Variants in MCTP1 observed in about 807,000 individuals in gnomAD.
The protein encoded by MCTP1 is multiple C2 and transmembrane domain-containing protein 1.
Under a neutral mutation model 120.6 loss-of-function variants are expected in MCTP1, and 69 were observed. The ratio of observed to expected loss-of-function variants is 0.57; its 90% CI spans 0.47 to 0.70. MCTP1 has a LOEUF of 0.70. Among genes scored for constraint, MCTP1 ranks in the 30% least tolerant of loss-of-function variants. The pLI is 0.00. For missense variants in MCTP1, 1,203 were observed against 1,248.8 expected (o/e 0.96, Z 0.55); for synonymous variants, 529 against 493.1 (o/e 1.07, Z -0.96).
chr5:94,822,214 C>T (rs1368844958), intron 17 of MCTP1, among the ~76,000 whole-genome samples: 1 of 152,058 alleles, frequency 6.6e-6, no homozygotes, highest in Non-Finnish European at 1.5e-5. Context: ...TCTCCTTGTC[C>T]CCCACCCTCA....
chr5:94,735,098 T>A (rs1056731951), intron 19 of MCTP1, among the ~76,000 whole-genome samples: 3 of 152,188 alleles, frequency 2.0e-5, no homozygotes, highest in Admixed American at 6.5e-5. Flanking sequence ...AGGATTTGTG[T>A]TTTTGTAATT....
At chr5:95,243,379 T>G (rs1325787784) in intron 1 of MCTP1, among the ~76,000 whole-genome samples, 1 of 151,792 alleles carries the variant, frequency 6.6e-6, no homozygotes, top group Non-Finnish European at 1.5e-5. Flanking sequence ...GAGAAAGAGG[T>G]AGACATGTGA....
chr5:95,071,395 C>G (rs1049437482), intron 1 of MCTP1, among the ~76,000 whole-genome samples: 1 of 152,200 alleles, frequency 6.6e-6, no homozygotes, highest in African/African-American at 2.4e-5. Context: ...AACTTTCAAA[C>G]AGCGGGGAAA....
intron 12 of MCTP1, among the ~76,000 whole-genome samples, chr5:94,881,723 A>G (rs1800122997): frequency 6.6e-6 from 1 of 152,190 alleles, no homozygotes; most frequent in South Asian, 2.1e-4. Context: ...GATTAGTCAT[A>G]TATGATAATT....
At chr5:95,173,951 A>G (rs1478477186) in intron 1 of MCTP1, among the ~76,000 whole-genome samples, 1 of 152,208 alleles carries the variant, frequency 6.6e-6, no homozygotes, top group African/African-American at 2.4e-5. Flanking sequence ...TCAGTTAAAG[A>G]AATGGAAGAA....
chr5:94,900,756 C>T (rs2153418092), intron 10 of MCTP1, among the ~76,000 whole-genome samples: 1 of 152,246 alleles, frequency 6.6e-6, no homozygotes. Context: ...CCTGATTATT[C>T]ATTAGTATTG....
intron 1 of MCTP1, among the ~76,000 whole-genome samples, chr5:95,182,866 C>A (rs919491118): frequency 7.3e-5 from 11 of 151,680 alleles, no homozygotes; most frequent in Non-Finnish European, 4.4e-5. Flanking sequence ...ACTAAAAATA[C>A]AAAATAAAAA....
rs140584394 is a variant in MCTP1, at chr5:95,262,080, G to A, written c.720+21776C>T. Among the ~76,000 whole-genome samples, 1,307 of 152,284 alleles carry A rather than the reference G, an allele frequency of 8.6e-3. 43 individuals are homozygous for A. The highest frequency in any genetic ancestry group is 0.063 in the Admixed American group (962 of 15,296). On this transcript the variant is annotated intron_variant, in intron 1 of 22. Transcript: ENST00000515393. ...CAATGCCTAGTAGGGGCACAGCTGTGAAGCCATCACAGTCCATGTCCCAGC... is the reference window on the plus strand; with the variant it reads ...CAATGCCTAGTAGGGGCACAGCTGTAAAGCCATCACAGTCCATGTCCCAGC...
At chr5:94,968,595 A>C (rs555776525) in intron 2 of MCTP1, among the ~76,000 whole-genome samples, 1 of 152,232 alleles carries the variant, frequency 6.6e-6, no homozygotes, top group Non-Finnish European at 1.5e-5. Context: ...CATACTATAC[A>C]AAAAGGATTT....
rs1585265696 is a variant in MCTP1 at position 94,703,941 on chromosome 5, C to T, written c.*3555G>A. 1 of 149,810 alleles carries T rather than the reference C, an allele frequency of 6.7e-6. No homozygotes were observed. Among genetic ancestry groups the T allele is most frequent in the Non-Finnish European group, 1.5e-5 (1 of 67,330 alleles). 9.3% of individuals were successfully genotyped at this position (149,810 alleles called of 1,614,324 possible). A position where few individuals can be genotyped will look rare whatever the true frequency, so the allele number is the denominator to read the frequency against. On this transcript the variant is annotated 3_prime_UTR_variant, in exon 23 of 23. Coordinates refer to ENST00000515393, the MANE Select transcript of MCTP1 (RefSeq NM_024717.7). ...TATGTGACTGCCTCTATTCAAATTG[C>T]CACTATATAAAAGAAACTGAGGTAC...
intron 12 of MCTP1, among the ~76,000 whole-genome samples, chr5:94,887,341 C>T (rs1195058365): frequency 6.6e-6 from 1 of 152,054 alleles, no homozygotes; most frequent in African/African-American, 2.4e-5. Flanking sequence ...TGTATTTTAA[C>T]TTCCATAGTG....
intron 1 of MCTP1, among the ~76,000 whole-genome samples, chr5:95,270,950 G>A (rs1209427652): frequency 2.8e-5 from 4 of 144,470 alleles, no homozygotes; most frequent in Admixed American, 7.0e-5. Context: ...AATGCACATT[G>A]TGATTTAACA....
chr5:95,022,837 T>A (rs1270107557), intron 1 of MCTP1, among the ~76,000 whole-genome samples: 1 of 152,124 alleles, frequency 6.6e-6, no homozygotes, highest in African/African-American at 2.4e-5. Context: ...GGAGCTATAA[T>A]AAAAGACTGA....
chr5:95,117,215 C>A (rs945237915), intron 1 of MCTP1, among the ~76,000 whole-genome samples: 1 of 151,688 alleles, frequency 6.6e-6, no homozygotes, highest in Non-Finnish European at 1.5e-5. Flanking sequence ...ACGGTGAAAC[C>A]CCGTCTCTAC....
intron 2 of MCTP1, among the ~76,000 whole-genome samples, chr5:94,997,559 A>G (rs140949753): frequency 6.6e-6 from 1 of 152,188 alleles, no homozygotes; most frequent in Non-Finnish European, 1.5e-5. Flanking sequence ...CCCCTTGTCC[A>G]CCTGTTTTTA....
At chr5:94,978,242 A>G (rs759497092) in intron 2 of MCTP1, among the ~76,000 whole-genome samples, 1 of 152,120 alleles carries the variant, frequency 6.6e-6, no homozygotes, top group African/African-American at 2.4e-5. Context: ...ACCCTTGTAC[A>G]CTGTTGGTGG....
chr5:95,069,855 C>A (rs757795919), intron 1 of MCTP1, among the ~76,000 whole-genome samples: 3 of 152,160 alleles, frequency 2.0e-5, no homozygotes, highest in Non-Finnish European at 1.5e-5. Context: ...CCCACTACCA[C>A]GCCCGGCTAT....
chr5:95,043,726 A>C (rs1842723754), intron 1 of MCTP1, among the ~76,000 whole-genome samples: 1 of 152,186 alleles, frequency 6.6e-6, no homozygotes, highest in Non-Finnish European at 1.5e-5. Flanking sequence ...ATTTCCCGTG[A>C]ACTGCCTGGG....
intron 1 of MCTP1, among the ~76,000 whole-genome samples, chr5:95,157,280 T>C (rs1745230465): frequency 6.6e-6 from 1 of 152,114 alleles, no homozygotes; most frequent in Non-Finnish European, 1.5e-5. Context: ...GAATGGGACA[T>C]GGAATAGCCA....
Sources: allele counts gnomAD v4.1 joint callset (sites outside exome capture counted in the v4.1 genomes callset), GRCh38; gene constraint gnomAD v4.1.1; transcripts MANE v1.5; gene names NCBI Gene and HGNC (gene_info 2026-07-23, HGNC 2026-07-21).